Variants in AP1G2 observed in about 807,000 individuals in gnomAD.
AP1G2 encodes AP-1 complex subunit gamma-like 2.
AP1G2 carries 85 observed loss-of-function variants against 95.8 expected under a neutral mutation model. The ratio of observed to expected loss-of-function variants is 0.89; its 90% CI spans 0.74 to 1.06. AP1G2 has a LOEUF of 1.06. Among genes scored for constraint, AP1G2 ranks in the 50% least tolerant of loss-of-function variants. The pLI is 0.00. For synonymous variants in AP1G2, 378 were observed against 400.0 expected (o/e 0.94, Z 0.66); for missense variants, 967 against 1,005.8 (o/e 0.96, Z 0.52).
rs765111433 is a variant in AP1G2 at position 23,565,621 on chromosome 14, G to A, written c.726C>T (p.Ser242=). Reference sequence around the variant, plus strand: ...GTCACCCCACCTGCAGGAAGGGGTCGCTGACTCCAGATATGCTGTGTTCTG... The same window carrying A: ...GTCACCCCACCTGCAGGAAGGGGTCACTGACTCCAGATATGCTGTGTTCTG... ...YSTEHSISGV[S]DPFLQVQILR... Residue 242 remains serine (S), a synonymous_variant, in exon 7 of 22, where the codon AGC becomes AGT. Transcript: ENST00000397120. 24 of 1,613,728 alleles carry A rather than the reference G, an allele frequency of 1.5e-5. No individual in the cohort carries two copies. The East Asian group carries it at 1.6e-4, about 10-fold the overall frequency.
rs199641263 is a variant in AP1G2 at position 23,564,391 on chromosome 14, A to G, written c.922-3T>C. 6 of 1,614,168 alleles carry G rather than the reference A, an allele frequency of 3.7e-6. No individual in the cohort carries two copies. The Admixed American group carries it at 5.0e-5, about 13-fold the overall frequency. On this transcript the variant is annotated splice_polypyrimidine_tract_variant and splice_region_variant and intron_variant, in intron 9 of 21. Coordinates refer to ENST00000397120, the MANE Select transcript of AP1G2 (RefSeq NM_003917.5). ...CCAAGAATGTTGACAGCTAGAACCT[A>G]TGAGAGGCAGAAGTTGGGGTCAGTC...
intron 3 of AP1G2, 30 bp downstream of exon 3, chr14:23,566,532 G>A (rs375305734): frequency 1.2e-6 from 2 of 1,613,108 alleles, no homozygotes; most frequent in African/African-American, 2.7e-5. Flanking sequence ...CCATCTCCCT[G>A]ATTCCAAGTG....
At position 23,567,376 on chromosome 14, in the gene AP1G2, G is replaced by C. The variant is rs1595381737; in HGVS notation, c.-5-57C>G. ...CTGGTCGGGCGTGCCTGGGCTTTCG[G>C]CCCAGGCCCGTCCTGTGTCAAGACC... On this transcript the variant is annotated intron_variant, in intron 1 of 21. Coordinates refer to ENST00000397120, the MANE Select transcript of AP1G2 (RefSeq NM_003917.5). The surrounding 1 kb of genome is among the most constrained non-coding windows in gnomAD (Gnocchi z 5.3). 6.5e-7 allele frequency: 1 copy of C among 1,543,568 alleles called. No homozygotes were observed. The highest frequency in any genetic ancestry group is 8.6e-7 in the Non-Finnish European group (1 of 1,156,796).
In AP1G2 at chr14:23,562,015, C is replaced by T; in HGVS notation, c.1680G>A (p.Leu560=). The T allele has an allele frequency of 1.9e-6, 3 of 1,613,652 alleles. No individual in the cohort carries two copies. The highest frequency in any genetic ancestry group is 2.5e-6 in the Non-Finnish European group (3 of 1,179,864). ...SIYGSCLDVE[L]QQRAVEYDTL... ...TGTCATACTCCACAGCCCGCTGCTG[C>T]AGCTCCACGTCCAAGCAGCTCCCGT... Residue 560 remains leucine (L), a synonymous_variant, in exon 17 of 22, where the codon CTG becomes CTA. Transcript: ENST00000397120.
Position 23,561,988 on chromosome 14 carries a change from T to A in AP1G2, c.1707A>T (p.Thr569=), listed in dbSNP as rs764307065. The change falls in exon 17 of 22, where the codon ACA becomes ACT. Residue 569 remains threonine (T), a synonymous_variant. Transcript: ENST00000397120. The part of the protein sequence containing the change: ...ELQQRAVEYD[T]LFRKYDHMRA... The stretch of plus-strand genomic sequence containing the variant: ...TCATGTGGTCGTATTTCCGGAAGAG[T>A]GTGTCATACTCCACAGCCCGCTGCT... 1 of 1,612,126 alleles carries A rather than the reference T, an allele frequency of 6.2e-7. No homozygotes were observed. Among genetic ancestry groups the A allele is most frequent in the Non-Finnish European group, 8.5e-7 (1 of 1,179,260 alleles).
Position 23,565,830 on chromosome 14 carries a change from T to C in AP1G2, c.631A>G (p.Arg211Gly). 1 of 1,579,754 alleles carries C rather than the reference T, an allele frequency of 6.3e-7. No homozygotes were observed. The highest frequency in any genetic ancestry group is 8.6e-7 in the Non-Finnish European group (1 of 1,162,494). The change falls in exon 6 of 22, where the codon AGG becomes GGG. Residue 211 changes from arginine to glycine, a missense_variant. Physicochemically the swap from Arg to Gly is moderately radical, Grantham distance 125. Transcript: ENST00000397120. ...CACCAGCCCACCTTTCGGAAGTGCC[T>C]GAGGGCTGCAGGGCTTCGTTCGCAG... ...ELCERSPAAL[R>G]HFRKVVPQLV...
chr14:23,564,593 A>G lies in AP1G2; in HGVS notation c.890T>C (p.Ile297Thr). ...NAVLFETVLTIMDIRSAAGLR... is the reference protein window; with the variant it reads ...NAVLFETVLTTMDIRSAAGLR... ...GCCAGCTGCAGAGCGGATATCCATG[A>G]TGGTGAGTACTGTCTCAAACAGGAC... Residue 297 changes from isoleucine to threonine, a missense_variant, in exon 9 of 22, where the codon ATC (isoleucine) becomes ACC (threonine). Coordinates refer to ENST00000397120, the MANE Select transcript of AP1G2 (RefSeq NM_003917.5). 6.2e-7 allele frequency: 1 copy of G among 1,613,632 alleles called. No homozygotes were observed. The highest frequency in any genetic ancestry group is 8.5e-7 in the Non-Finnish European group (1 of 1,180,004).
rs112532360 is a variant in AP1G2, at chr14:23,566,276, A to T, written c.471+2T>A. On this transcript the variant is annotated splice_donor_variant, in intron 4 of 21. Transcript: ENST00000397120. LOFTEE classifies it high-confidence loss of function. ...CACGTGCCAGGAGTCCCGCCATCTCACCTTCTTGCGCACGTAGGGACTGGG... is the reference window on the plus strand; with the variant it reads ...CACGTGCCAGGAGTCCCGCCATCTCTCCTTCTTGCGCACGTAGGGACTGGG... 1.9e-6 allele frequency: 3 copies of T among 1,613,692 alleles called. No homozygotes were observed. Among genetic ancestry groups the T allele is most frequent in the Non-Finnish European group, 2.5e-6 (3 of 1,179,906 alleles).
At chr14:23,562,211 G>A (rs1885202642) in intron 16 of AP1G2, 77 bp downstream of exon 16, 3 of 1,601,298 alleles carry the variant, frequency 1.9e-6, no homozygotes, top group Non-Finnish European at 2.6e-6. Flanking sequence ...GGCTGGGCAT[G>A]TATGCCTGGA....
Position 23,563,716 on chromosome 14 carries a change from C to T in AP1G2, c.1232G>A (p.Arg411Lys). ...CCTCTTCGACTCCTGGGCACCTCAC[C>T]TCTCTGCAGCCAGCAGGATGCCTGA... ...CASGILLAAE[R>K]FAPTKRWHID... The change falls in exon 12 of 22, where the codon AGG becomes AAG. Residue 411 changes from arginine to lysine, a missense_variant and splice_region_variant. Arg to Lys is a conservative substitution (Grantham distance 26, BLOSUM62 2). Transcript: ENST00000397120. The T allele has an allele frequency of 6.2e-7, 1 of 1,614,192 alleles. No individual in the cohort carries two copies. Among genetic ancestry groups the T allele is most frequent in the Admixed American group, 1.7e-5 (1 of 60,034 alleles).
Position 23,564,602 on chromosome 14 carries a change from A to G in AP1G2, c.881T>C (p.Val294Ala). 1 of 1,613,582 alleles carries G rather than the reference A, an allele frequency of 6.2e-7. No homozygotes were observed. The highest frequency in any genetic ancestry group is 8.5e-7 in the Non-Finnish European group (1 of 1,179,996). Residue 294 changes from valine to alanine, a missense_variant, in exon 9 of 22, where the codon GTA becomes GCA. Physicochemically the swap from Val to Ala is moderately conservative, Grantham distance 64. Coordinates refer to ENST00000397120, the MANE Select transcript of AP1G2 (RefSeq NM_003917.5). ...NAGNAVLFET[V>A]LTIMDIRSAA... ...AGAGCGGATATCCATGATGGTGAGTACTGTCTCAAACAGGACCGCATTTCC... is the reference window on the plus strand; with the variant it reads ...AGAGCGGATATCCATGATGGTGAGTGCTGTCTCAAACAGGACCGCATTTCC...
At position 23,562,720 on chromosome 14, in the gene AP1G2, A is replaced by G; in HGVS notation, c.1411-127T>C. ...GAGTTCAAGACCAGCCTGGGCAACA[A>G]AGCGAGACCCCCCCCATCTCTATTT... On this transcript the variant is annotated intron_variant, in intron 14 of 21. Transcript: ENST00000397120. The G allele has an allele frequency of 2.5e-6, 2 of 810,724 alleles. 1 individual carries two copies. The highest frequency in any genetic ancestry group is 3.8e-6 in the Non-Finnish European group (2 of 526,142). 50.2% of individuals were successfully genotyped at this position (810,724 alleles called of 1,614,324 possible). A position where few individuals can be genotyped will look rare whatever the true frequency, so the allele number is the denominator to read the frequency against.
At chr14:23,563,179 A>G in intron 14 of AP1G2, 1 of 1,432,702 alleles carries the variant, frequency 7.0e-7, no homozygotes, top group Non-Finnish European at 9.1e-7. Context: ...AGTCATCTGT[A>G]GTTACATAAC....
Position 23,562,138 on chromosome 14 carries a change from C to A in AP1G2, c.1629-72G>T, listed in dbSNP as rs1015933658. 2.5e-6 allele frequency: 4 copies of A among 1,597,100 alleles called. No individual in the cohort carries two copies. The African/African-American group carries it at 5.4e-5, about 21-fold the overall frequency. On this transcript the variant is annotated intron_variant, in intron 16 of 21. Coordinates refer to ENST00000397120, the MANE Select transcript of AP1G2 (RefSeq NM_003917.5). ...GGATGTGGCAAGAAGGAAAGGCCCA[C>A]GGAGCAGGGAAATACCCAGATTTGG...
chr14:23,564,308 C>G, intron 10 of AP1G2, 25 bp downstream of exon 10: 1 of 1,614,074 alleles, frequency 6.2e-7, no homozygotes, highest in Non-Finnish European at 8.5e-7. Flanking sequence ...GTGGCACAGC[C>G]TAGGTAGACA....
chr14:23,563,568 C>T lies in AP1G2; in HGVS notation c.1287+16G>A, dbSNP rs776340168. ...TGACCACTTCTGCCCAGCTCTCTGA[C>T]TGGCCCCTGCCTCACCGTTGTCAGC... On this transcript the variant is annotated intron_variant, in intron 13 of 21. Coordinates refer to ENST00000397120, the MANE Select transcript of AP1G2 (RefSeq NM_003917.5). 10 of 1,614,254 alleles carry T rather than the reference C, an allele frequency of 6.2e-6. No homozygotes were observed. Among genetic ancestry groups the T allele is most frequent in the African/African-American group, 1.3e-5 (1 of 75,072 alleles).
chr14:23,565,339 G>A, intron 7 of AP1G2, 140 bp from the exon 8 acceptor site: 2 of 896,424 alleles, frequency 2.2e-6, no homozygotes, highest in Non-Finnish European at 3.5e-6. Flanking sequence ...CAGGTCCCTT[G>A]GTCCTAGGAG....
chr14:23,565,502 A>G, intron 7 of AP1G2, 104 bp downstream of exon 7: 1 of 1,047,886 alleles, frequency 9.5e-7, no homozygotes. Flanking sequence ...TCTGCTGCCC[A>G]GGACACTGAG....
rs562310960 is a variant in AP1G2, at chr14:23,562,300, C to A, written c.1616G>T (p.Cys539Phe). Residue 539 changes from cysteine to phenylalanine, a missense_variant, in exon 16 of 22, where the codon TGT (cysteine) becomes TTT (phenylalanine). Coordinates refer to ENST00000397120, the MANE Select transcript of AP1G2 (RefSeq NM_003917.5). ...TALMKLSTRLCGDNNRIRQVV... is the reference protein window; with the variant it reads ...TALMKLSTRLFGDNNRIRQVV... ...GACCCCTTCTTACTTGTTGTCCCCA[C>A]AGAGGCGAGTGCTGAGCTTCATGAG... is the stretch of plus-strand genomic sequence containing the variant. The A allele has an allele frequency of 6.2e-7, 1 of 1,614,200 alleles. No homozygotes were observed. The highest frequency in any genetic ancestry group is 8.5e-7 in the Non-Finnish European group (1 of 1,180,026).
Sources: allele counts gnomAD v4.1 joint callset, GRCh38; gene constraint gnomAD v4.1.1; non-coding constraint Gnocchi (gnomAD v3.1); transcripts MANE v1.5; gene names NCBI Gene and HGNC (gene_info 2026-07-23, HGNC 2026-07-21).